CLSTN2: variants seen among roughly 807,000 people sequenced by gnomAD.
CLSTN2 encodes calsyntenin 2.
Under a neutral mutation model 101.2 loss-of-function variants are expected in CLSTN2, and 48 were observed. That is an observed-to-expected ratio of 0.47 (90% confidence interval 0.38 to 0.60). The LOEUF (loss-of-function observed/expected upper bound fraction) is 0.60. CLSTN2 is among the 20% of genes least tolerant of loss of function. The pLI is 0.00. For synonymous variants in CLSTN2, 481 were observed against 463.6 expected, an observed-to-expected ratio of 1.04 and a Z score of -0.48; for missense variants, 1,160 against 1,238.2, an observed-to-expected ratio of 0.94 and a Z score of 0.95.
In CLSTN2 at chr3:140,482,364, G is replaced by A. The variant is rs565523121; in HGVS notation, c.1344+15633G>A. The stretch of plus-strand genomic sequence containing the variant: ...ATTCAGTTTGCCAGTATTTTATTGA[G>A]GATTTTTGCATCAATATTAATCAGG... On this transcript the variant is annotated intron_variant, in intron 8 of 16. Transcript: ENST00000458420. 5.9e-5 allele frequency among the ~76,000 whole-genome samples: 9 copies of A among 152,248 alleles called. No homozygotes were observed. The South Asian group carries it at 1.4e-3, about 25-fold the overall frequency.
At chr3:139,975,861 T>C (rs1051506228) in intron 1 of CLSTN2, among the ~76,000 whole-genome samples, 1 of 152,174 alleles carries the variant, frequency 6.6e-6, no homozygotes, top group African/African-American at 2.4e-5. Flanking sequence ...AACAACAGGC[T>C]GCATTGGGTT....
intron 1 of CLSTN2, among the ~76,000 whole-genome samples, chr3:139,960,956 AAT>A (rs1296480678): frequency 1.6e-4 from 25 of 152,242 alleles, no homozygotes; most frequent in Non-Finnish European, 2.5e-4. Context: ...GAGAAAATGG[AAT>A]CAAATGAATA....
At chr3:140,356,440 A>G (rs1012422977) in intron 2 of CLSTN2, among the ~76,000 whole-genome samples, 1 of 152,164 alleles carries the variant, frequency 6.6e-6, no homozygotes, top group African/African-American at 2.4e-5. Context: ...GTGACATGTT[A>G]GAAAACAATT....
chr3:140,226,925 C>T (rs563841454), intron 2 of CLSTN2, among the ~76,000 whole-genome samples: 22 of 152,228 alleles, frequency 1.4e-4, no homozygotes, highest in South Asian at 1.2e-3. Context: ...GAAAGACCCG[C>T]CCCCATAATT....
intron 1 of CLSTN2, among the ~76,000 whole-genome samples, chr3:140,105,645 A>C (rs2009043717): frequency 6.6e-6 from 1 of 152,132 alleles, no homozygotes; most frequent in South Asian, 2.1e-4. Flanking sequence ...ATTACTGGGG[A>C]GTGTGAGGCA....
intron 2 of CLSTN2, among the ~76,000 whole-genome samples, chr3:140,182,498 C>G (rs577049089): frequency 6.6e-6 from 1 of 152,264 alleles, no homozygotes; most frequent in African/African-American, 2.4e-5. Flanking sequence ...TCTCTGAGCT[C>G]GGACCTCGCA....
At chr3:140,040,719 T>C (rs753596935) in intron 1 of CLSTN2, among the ~76,000 whole-genome samples, 4 of 152,158 alleles carry the variant, frequency 2.6e-5, no homozygotes, top group Non-Finnish European at 5.9e-5. Context: ...TCTTTAGAAA[T>C]GTGCCTTTAC....
chr3:140,463,055 C>A (rs1346127783), intron 7 of CLSTN2, among the ~76,000 whole-genome samples: 1 of 152,188 alleles, frequency 6.6e-6, no homozygotes, highest in African/African-American at 2.4e-5. Context: ...ACCTTGAGGT[C>A]ATTGTGTGGG....
intron 1 of CLSTN2, among the ~76,000 whole-genome samples, chr3:140,113,455 G>C (rs1473503193): frequency 6.6e-6 from 1 of 152,166 alleles, no homozygotes; most frequent in Non-Finnish European, 1.5e-5. Flanking sequence ...GGTTCTCACA[G>C]AGCACTTGTC....
chr3:140,434,004 C>A (rs146834684), intron 5 of CLSTN2, among the ~76,000 whole-genome samples: 1 of 152,308 alleles, frequency 6.6e-6, no homozygotes, highest in East Asian at 1.9e-4. Flanking sequence ...TAAATGGTGG[C>A]TTCCTTCCTG....
intron 1 of CLSTN2, among the ~76,000 whole-genome samples, chr3:139,981,805 C>T (rs1266914928): frequency 6.6e-6 from 1 of 152,230 alleles, no homozygotes; most frequent in Non-Finnish European, 1.5e-5. Context: ...CCCTGAGAGC[C>T]TCTATCTCCT....
chr3:140,432,338 A>G (rs2088640846), intron 5 of CLSTN2, among the ~76,000 whole-genome samples: 1 of 152,232 alleles, frequency 6.6e-6, no homozygotes, highest in Admixed American at 6.5e-5. Flanking sequence ...GATGGGGCTC[A>G]GAGAACAGCA....
intron 5 of CLSTN2, among the ~76,000 whole-genome samples, chr3:140,427,195 A>ATATGTG (rs1559866662): frequency 1.1e-5 from 1 of 88,844 alleles, no homozygotes. Flanking sequence ...ATATATATAT[A>ATATGTG]TATATATATG....
Position 140,459,646 on chromosome 3 carries a change from C to G in CLSTN2, c.1099C>G (p.Pro367Ala). Residue 367 changes from proline (P) to alanine (A), a missense_variant, in exon 7 of 17, where the codon CCC becomes GCC. Pro to Ala is a conservative substitution (Grantham distance 27, BLOSUM62 -1). Coordinates refer to ENST00000458420, the MANE Select transcript of CLSTN2 (RefSeq NM_022131.3). The stretch of plus-strand genomic sequence containing the variant: ...TGACGGCAGGCAGGGTGCCAAAGTC[C>G]CCGATGGGATTGTGCCCAAGAACCT... ...KFDGRQGAKV[P>A]DGIVPKNLTD... 6.2e-7 allele frequency: 1 copy of G among 1,614,108 alleles called. No individual in the cohort carries two copies. The highest frequency in any genetic ancestry group is 8.5e-7 in the Non-Finnish European group (1 of 1,180,002).
chr3:140,287,612 G>A (rs566729396), intron 2 of CLSTN2, among the ~76,000 whole-genome samples: 27 of 152,226 alleles, frequency 1.8e-4, no homozygotes, highest in African/African-American at 6.3e-4. Flanking sequence ...GAATAGGGAA[G>A]TTGAGAAAAA....
chr3:140,135,604 C>CAGCT (rs2009604800), intron 1 of CLSTN2, among the ~76,000 whole-genome samples: 1 of 152,166 alleles, frequency 6.6e-6, no homozygotes. Flanking sequence ...GCCATTTGGA[C>CAGCT]AGCTCATGGC....
chr3:139,981,421 T>A (rs1212445081), intron 1 of CLSTN2, among the ~76,000 whole-genome samples: 4 of 152,236 alleles, frequency 2.6e-5, no homozygotes, highest in African/African-American at 9.6e-5. Context: ...TAATGGCCTT[T>A]GAAAGCACAG....
intron 2 of CLSTN2, among the ~76,000 whole-genome samples, chr3:140,380,539 T>C (rs2087969030): frequency 6.6e-6 from 1 of 152,250 alleles, no homozygotes; most frequent in Non-Finnish European, 1.5e-5. Context: ...ATTATTTTCA[T>C]TTCTTCTTGA....
intron 1 of CLSTN2, among the ~76,000 whole-genome samples, chr3:140,012,198 A>C (rs1370272321): frequency 6.6e-6 from 1 of 152,082 alleles, no homozygotes. Flanking sequence ...AAGCACTTGC[A>C]AGGAGAATGC....
Sources: allele counts gnomAD v4.1 joint callset (sites outside exome capture counted in the v4.1 genomes callset), GRCh38; gene constraint gnomAD v4.1.1; transcripts MANE v1.5; gene names NCBI Gene and HGNC (gene_info 2026-07-23, HGNC 2026-07-21).